FAT4: variants seen among roughly 807,000 people sequenced by gnomAD.
The protein encoded by FAT4 is protocadherin Fat 4.
FAT4 carries 84 observed loss-of-function variants against 303.9 expected under a neutral mutation model. The observed-to-expected ratio is 0.28, with a 90% confidence interval of 0.23 to 0.33. The LOEUF (loss-of-function observed/expected upper bound fraction) is 0.33. Among genes scored for constraint, FAT4 ranks in the 10% least tolerant of loss-of-function variants. The pLI, the probability that FAT4 is intolerant of heterozygous loss-of-function variation, is 1.00. For missense variants in FAT4, 6,005 were observed against 6,146.8 expected (o/e 0.98, Z 0.77); for synonymous variants, 2,307 against 2,298.8 (o/e 1.00, Z -0.10).
chr4:125,427,522 A>C (rs1280789510), intron 7 of FAT4, among the ~76,000 whole-genome samples: 2 of 151,662 alleles, frequency 1.3e-5, no homozygotes, highest in Admixed American at 1.3e-4. Context: ...TTTAAAATAC[A>C]GAAGTGTTGT....
At chr4:125,345,866 G>T (rs1731979874) in intron 2 of FAT4, among the ~76,000 whole-genome samples, 2 of 152,078 alleles carry the variant, frequency 1.3e-5, no homozygotes, top group Admixed American at 6.6e-5. Context: ...AACGGTATTA[G>T]TGTCACAGTT....
Position 125,484,001 on chromosome 4 carries a change from A to ATT in FAT4, c.12822+2264_12822+2265dup, listed in dbSNP as rs1283909062. 1.5e-4 allele frequency among the ~76,000 whole-genome samples: 3 copies of ATT among 20,262 alleles called. No individual in the cohort carries two copies. In the Admixed American group the frequency reaches 1.8e-3, roughly 12 times the overall value. The allele number at this position is 20,262 out of a possible 152,430, so 13.3% of individuals were successfully genotyped here. A position where few individuals can be genotyped will look rare whatever the true frequency, so the allele number is the denominator to read the frequency against. ...TCTTTAACTCTTTCTTATGGTTTGC[A>ATT]TTCTCTCTCTCTCATTCTCTTTTCT... On this transcript the variant is annotated intron_variant, in intron 16 of 17. Transcript: ENST00000394329.
At chr4:125,411,058 A>G (rs1193065752) in intron 5 of FAT4, among the ~76,000 whole-genome samples, 1 of 152,078 alleles carries the variant, frequency 6.6e-6, no homozygotes, top group Non-Finnish European at 1.5e-5. Flanking sequence ...TTCACAGACA[A>G]TATTAGTCAG....
chr4:125,489,462 A>G (rs1347929809), intron 17 of FAT4, among the ~76,000 whole-genome samples: 2 of 152,174 alleles, frequency 1.3e-5, no homozygotes, highest in Middle Eastern at 3.2e-3. Flanking sequence ...TATCACCTTC[A>G]ATGGGAATGC....
In FAT4 at chr4:125,408,650, A is replaced by G. The variant is rs780213502; in HGVS notation, c.5776A>G (p.Thr1926Ala). 6.2e-6 allele frequency: 10 copies of G among 1,610,982 alleles called. No homozygotes were observed. The East Asian group carries it at 2.0e-4, about 32-fold the overall frequency. ...VRAEDGGGQF[T>A]TIRVYFNILD... ...AGCAGAAGATGGTGGGGGACAATTT[A>G]CTACCATCAGAGTTTATTTCAATAT... The change falls in exon 5 of 18, where the codon ACT (threonine) becomes GCT (alanine). Residue 1926 changes from threonine (T) to alanine (A), a missense_variant. Transcript: ENST00000394329.
intron 7 of FAT4, 41 bp downstream of exon 7, chr4:125,416,663 A>C (rs1460120473): frequency 6.2e-7 from 1 of 1,600,554 alleles, no homozygotes; most frequent in Admixed American, 1.7e-5. Context: ...GATAATTTCT[A>C]GGCCAGGCAC....
intron 2 of FAT4, among the ~76,000 whole-genome samples, chr4:125,323,520 TA>T (rs35824588): frequency 0.011 from 1,602 of 152,014 alleles, 29 homozygotes; most frequent in African/African-American, 0.037. Flanking sequence ...TTTTTTTAAT[TA>T]AAAAAAAGTC....
chr4:125,332,937 G>T (rs1309943113), intron 2 of FAT4, among the ~76,000 whole-genome samples: 1 of 151,778 alleles, frequency 6.6e-6, no homozygotes, highest in Non-Finnish European at 1.5e-5. Flanking sequence ...TCTGCTCGGG[G>T]TAGTGTTTTA....
chr4:125,386,636 T>C (rs1250154336), intron 2 of FAT4, among the ~76,000 whole-genome samples: 1 of 152,190 alleles, frequency 6.6e-6, no homozygotes, highest in Non-Finnish European at 1.5e-5. Flanking sequence ...AAATTGATTT[T>C]GATAAGTTGA....
chr4:125,449,403 C>T lies in FAT4; in HGVS notation c.8393C>T (p.Thr2798Ile), dbSNP rs778318140. The part of the protein sequence containing the change: ...PLGYTVTRVT[T>I]SDEDIGINAI... ...GGATACACAGTTACCCGTGTCACAA[C>T]TTCTGATGAAGACATTGGGATCAAT... Residue 2798 changes from threonine (T) to isoleucine (I), a missense_variant, in exon 10 of 18, where the codon ACT (threonine) becomes ATT (isoleucine). Coordinates refer to ENST00000394329, the MANE Select transcript of FAT4 (RefSeq NM_001291303.3). The T allele has an allele frequency of 1.2e-6, 2 of 1,613,652 alleles. No homozygotes were observed. The highest frequency in any genetic ancestry group is 2.2e-5 in the South Asian group (2 of 91,056).
intron 7 of FAT4, among the ~76,000 whole-genome samples, chr4:125,427,621 G>A (rs942938895): frequency 1.3e-4 from 20 of 151,786 alleles, no homozygotes; most frequent in Non-Finnish European, 1.5e-4. Flanking sequence ...TGCTAATATA[G>A]GATGACTGAA....
chr4:125,448,379 A>T, intron 9 of FAT4, 82 bp from the exon 10 acceptor site: 1 of 1,243,070 alleles, frequency 8.0e-7, no homozygotes, highest in Non-Finnish European at 1.1e-6. Flanking sequence ...GCAGCAATAG[A>T]GTGTCTTATA....
At chr4:125,344,460 C>T (rs1172061629) in intron 2 of FAT4, among the ~76,000 whole-genome samples, 2 of 152,218 alleles carry the variant, frequency 1.3e-5, no homozygotes, top group East Asian at 3.9e-4. Flanking sequence ...CTTCAGCATA[C>T]CTTAAACACC....
At chr4:125,411,812 T>C (rs999585466) in intron 5 of FAT4, among the ~76,000 whole-genome samples, 1 of 143,226 alleles carries the variant, frequency 7.0e-6, no homozygotes, top group African/African-American at 2.6e-5. Context: ...TGAAATACTA[T>C]ATATAGATAT....
At chr4:125,394,144 T>C (rs1370876849) in intron 2 of FAT4, 2 of 530,640 alleles carry the variant, frequency 3.8e-6, no homozygotes, top group Non-Finnish European at 6.8e-6. Context: ...TGCCTTATCT[T>C]AACGGGATCA....
chr4:125,481,894 C>G (rs1327944654), intron 16 of FAT4, among the ~76,000 whole-genome samples, 156 bp downstream of exon 16: 2 of 152,188 alleles, frequency 1.3e-5, no homozygotes, highest in Non-Finnish European at 2.9e-5. Context: ...CTTAACTATT[C>G]CCCAGGCATT....
Position 125,352,561 on chromosome 4 carries a change from C to T in FAT4, c.5175+30975C>T, listed in dbSNP as rs150910339. Among the ~76,000 whole-genome samples the T allele has an allele frequency of 2.8e-4, 43 of 151,826 alleles. No individual in the cohort carries two copies. In the East Asian group the frequency reaches 8.3e-3, roughly 29 times the overall value. ...TGACTGTTCCTCTTTTAAGTAAAAA[C>T]TTCTTTTTCCATTGTTACTTTTTAA... On this transcript the variant is annotated intron_variant, in intron 2 of 17. Coordinates refer to ENST00000394329, the MANE Select transcript of FAT4 (RefSeq NM_001291303.3).
chr4:125,458,080 A>G lies in FAT4; in HGVS notation c.11800+5270A>G, dbSNP rs1578669034. Among the ~76,000 whole-genome samples, 3 of 151,586 alleles carry G rather than the reference A, an allele frequency of 2.0e-5. No individual in the cohort carries two copies. The East Asian group carries it at 5.8e-4, about 29-fold the overall frequency. ...TTATTTATAAATCTGGCTATCTTAT[A>G]ACATAATTAGTTCATAGTCTCTTTA... On this transcript the variant is annotated intron_variant, in intron 10 of 17. Transcript: ENST00000394329.
intron 2 of FAT4, among the ~76,000 whole-genome samples, chr4:125,397,799 C>G (rs1734240243): frequency 6.6e-6 from 1 of 152,156 alleles, no homozygotes; most frequent in African/African-American, 2.4e-5. Context: ...TTGCTCTCCC[C>G]ACTTCCTTCA....
Sources: allele counts gnomAD v4.1 joint callset (sites outside exome capture counted in the v4.1 genomes callset), GRCh38; gene constraint gnomAD v4.1.1; transcripts MANE v1.5; gene names NCBI Gene and HGNC (gene_info 2026-07-23, HGNC 2026-07-21).